SLC39A8: variants seen among roughly 807,000 people sequenced by gnomAD.
SLC39A8 encodes metal cation symporter ZIP8.
Under a neutral mutation model 40.4 loss-of-function variants are expected in SLC39A8, and 15 were observed. The ratio of observed to expected loss-of-function variants is 0.37; its 90% CI spans 0.25 to 0.57. SLC39A8 has a LOEUF of 0.57. Among genes scored for constraint, SLC39A8 ranks in the 20% least tolerant of loss-of-function variants. The pLI is 0.75. For missense variants in SLC39A8, 472 were observed against 558.8 expected (o/e 0.84, Z 1.57); for synonymous variants, 223 against 221.6 (o/e 1.01, Z -0.06).
intron 6 of SLC39A8, among the ~76,000 whole-genome samples, chr4:102,276,969 G>A (rs1578566910): frequency 2.0e-5 from 3 of 152,096 alleles, no homozygotes; most frequent in African/African-American, 7.2e-5. Context: ...CAATAAACTA[G>A]GTATTGATGG....
chr4:102,275,047 T>C (rs1732554710), intron 6 of SLC39A8, among the ~76,000 whole-genome samples: 3 of 152,204 alleles, frequency 2.0e-5, no homozygotes, highest in East Asian at 1.9e-4. Flanking sequence ...CATCAACTAA[T>C]GGGCAAAATA....
At chr4:102,306,162 T>C (rs1434926110) in intron 4 of SLC39A8, among the ~76,000 whole-genome samples, 1 of 152,024 alleles carries the variant, frequency 6.6e-6, no homozygotes, top group Non-Finnish European at 1.5e-5. Context: ...CTTTATATTG[T>C]TAAACTTCAA....
chr4:102,320,945 C>T (rs1734940078), intron 2 of SLC39A8, among the ~76,000 whole-genome samples: 1 of 151,622 alleles, frequency 6.6e-6, no homozygotes, highest in Admixed American at 6.6e-5. Context: ...TGTAGTTATA[C>T]TACAGATTGC....
chr4:102,328,021 G>A (rs186832669), intron 2 of SLC39A8, among the ~76,000 whole-genome samples: 1 of 152,232 alleles, frequency 6.6e-6, no homozygotes, highest in Non-Finnish European at 1.5e-5. Context: ...ATGGGCTACA[G>A]AGAAAATCCC....
At chr4:102,288,522 A>G (rs952506773) in intron 6 of SLC39A8, among the ~76,000 whole-genome samples, 1 of 152,134 alleles carries the variant, frequency 6.6e-6, no homozygotes, top group African/African-American at 2.4e-5. Flanking sequence ...AAAAGATAGA[A>G]ATGATTAAAC....
intron 6 of SLC39A8, among the ~76,000 whole-genome samples, chr4:102,272,417 A>G (rs1732404696): frequency 6.6e-6 from 1 of 150,444 alleles, no homozygotes; most frequent in Non-Finnish European, 1.5e-5. Flanking sequence ...CCTGGGTGAC[A>G]GAGTGAGACT....
intron 2 of SLC39A8, among the ~76,000 whole-genome samples, chr4:102,343,922 C>T (rs1417487402): frequency 1.3e-5 from 2 of 152,114 alleles, no homozygotes; most frequent in Non-Finnish European, 2.9e-5. Flanking sequence ...GTCTCAAGGC[C>T]GCCCCTGTTT....
intron 8 of SLC39A8, among the ~76,000 whole-genome samples, chr4:102,264,119 A>G (rs1329775637): frequency 6.6e-6 from 1 of 152,208 alleles, no homozygotes; most frequent in African/African-American, 2.4e-5. Flanking sequence ...CTTTCTAGAA[A>G]GTTTTCAACT....
chr4:102,306,307 T>C (rs1057259397), intron 4 of SLC39A8, among the ~76,000 whole-genome samples: 10 of 151,894 alleles, frequency 6.6e-5, no homozygotes, highest in African/African-American at 2.4e-4. Context: ...ATGTATTATG[T>C]ATATAATACT....
At chr4:102,306,679 C>T (rs993057481) in intron 4 of SLC39A8, among the ~76,000 whole-genome samples, 1 of 151,958 alleles carries the variant, frequency 6.6e-6, no homozygotes, top group East Asian at 1.9e-4. Context: ...TCCATGTATA[C>T]ATATATTTCT....
intron 2 of SLC39A8, among the ~76,000 whole-genome samples, chr4:102,342,687 T>C (rs1451847994): frequency 2.6e-5 from 4 of 152,216 alleles, no homozygotes; most frequent in Non-Finnish European, 1.5e-5. Context: ...AAGATACATA[T>C]AATTTTACCT....
chr4:102,343,134 A>C (rs548044843), intron 2 of SLC39A8, among the ~76,000 whole-genome samples: 1 of 152,322 alleles, frequency 6.6e-6, no homozygotes, highest in African/African-American at 2.4e-5. Context: ...AACTGGAATT[A>C]TAGACAATTT....
At chr4:102,267,023 G>A (rs550397866) in intron 8 of SLC39A8, among the ~76,000 whole-genome samples, 3 of 152,242 alleles carry the variant, frequency 2.0e-5, no homozygotes, top group East Asian at 1.9e-4. Flanking sequence ...ACCAATTTTA[G>A]TGTACCAGTT....
intron 6 of SLC39A8, among the ~76,000 whole-genome samples, chr4:102,290,404 C>T (rs1733374459): frequency 6.6e-6 from 1 of 152,084 alleles, no homozygotes; most frequent in Admixed American, 6.6e-5. Flanking sequence ...TTGACACCGA[C>T]TATGGTTCAG....
intron 6 of SLC39A8, among the ~76,000 whole-genome samples, chr4:102,298,793 A>AGAGG (rs59527235): frequency 0.43 from 65,285 of 151,486 alleles, 14,117 homozygotes; most frequent in Admixed American, 0.45. Flanking sequence ...CTGACTTCAC[A>AGAGG]AAGAAAGTCA....
At chr4:102,333,720 A>T (rs755286054) in intron 2 of SLC39A8, among the ~76,000 whole-genome samples, 1 of 152,336 alleles carries the variant, frequency 6.6e-6, no homozygotes, top group Non-Finnish European at 1.5e-5. Flanking sequence ...TCAAGAGAGA[A>T]ATCTGAAGTA....
intron 3 of SLC39A8, 94 bp from the exon 4 acceptor site, chr4:102,307,699 G>A: frequency 1.6e-6 from 2 of 1,239,854 alleles, no homozygotes; most frequent in East Asian, 2.3e-5. Context: ...GTCTTTAAAA[G>A]CTTAAGACAC....
chr4:102,332,991 G>A (rs1377415085), intron 2 of SLC39A8, among the ~76,000 whole-genome samples: 1 of 152,064 alleles, frequency 6.6e-6, no homozygotes, highest in Non-Finnish European at 1.5e-5. Context: ...ACAGGGAGGG[G>A]AACATCACAC....
At chr4:102,259,227 A>G (rs903593623), downstream of SLC39A8, among the ~76,000 whole-genome samples, 1 of 152,190 alleles carries the variant, frequency 6.6e-6, no homozygotes, top group African/African-American at 2.4e-5. Context: ...TGTACTCATA[A>G]CTTTTCATCT....
Sources: gnomAD v4.1 joint callset for allele counts (sites outside exome capture counted in the v4.1 genomes callset) on GRCh38, gnomAD v4.1.1 for gene constraint, MANE v1.5 for transcripts, NCBI Gene and HGNC (gene_info 2026-07-23, HGNC 2026-07-21) for gene names.